SLC2A1: variants seen among roughly 807,000 people sequenced by gnomAD.
The protein encoded by SLC2A1 is solute carrier family 2, facilitated glucose transporter member 1.
SLC2A1 carries 4 observed loss-of-function variants against 46.6 expected under a neutral mutation model. The observed-to-expected ratio is 0.09, with a 90% CI of 0.04 to 0.20. The LOEUF is 0.20. SLC2A1 is among the 10% of genes least tolerant of loss of function. The pLI, the probability that SLC2A1 is intolerant of heterozygous loss-of-function variation, is 1.00. For synonymous variants in SLC2A1, 253 were observed against 270.0 expected, an observed-to-expected ratio of 0.94 and a Z score of 0.62; for missense variants, 352 against 667.0, an observed-to-expected ratio of 0.53 and a Z score of 5.20.
chr1:42,955,074 G>A (rs989712301), intron 1 of SLC2A1, among the ~76,000 whole-genome samples: 13 of 152,138 alleles, frequency 8.5e-5, no homozygotes, highest in Admixed American at 3.9e-4. Flanking sequence ...ATACCCATGG[G>A]CCAGCATCCT....
chr1:42,931,006 T>A (rs753105326), intron 3 of SLC2A1, 40 bp downstream of exon 3: 1 of 1,611,242 alleles, frequency 6.2e-7, no homozygotes, highest in Non-Finnish European at 8.5e-7. Flanking sequence ...CAGGAGGGCA[T>A]GGGCCCTCCA....
chr1:42,937,030 C>T (rs1483991948), intron 2 of SLC2A1, among the ~76,000 whole-genome samples: 1 of 152,140 alleles, frequency 6.6e-6, no homozygotes, highest in African/African-American at 2.4e-5. Flanking sequence ...AAACATCCTC[C>T]AATGCATGGG....
At chr1:42,950,675 A>G (rs992064286) in intron 1 of SLC2A1, among the ~76,000 whole-genome samples, 10 of 152,194 alleles carry the variant, frequency 6.6e-5, no homozygotes, top group Non-Finnish European at 1.3e-4. Flanking sequence ...GTGTGACCTT[A>G]AAAAAGTCCT....
chr1:42,953,940 G>A, intron 1 of SLC2A1, among the ~76,000 whole-genome samples: 1 of 152,124 alleles, frequency 6.6e-6, no homozygotes, highest in East Asian at 1.9e-4. Context: ...TCTAATTTAG[G>A]GCACGGGGCC....
chr1:42,929,491 G>T lies in SLC2A1; in HGVS notation c.867+102C>A. The T allele has an allele frequency of 7.9e-7, 1 of 1,271,146 alleles. No individual in the cohort carries two copies. The highest frequency in any genetic ancestry group is 1.2e-5 in the South Asian group (1 of 81,722). The allele number at this position is 1,271,146 out of a possible 1,614,324, so 78.7% of individuals were successfully genotyped here. A position where few individuals can be genotyped will look rare whatever the true frequency, so the allele number is the denominator to read the frequency against. ...TTGGGGTCTAAAGGGAAACTTCTTC[G>T]GCAGAGGCGTATCTGTTGTTTCAAG... On this transcript the variant is annotated intron_variant, in intron 6 of 9. Coordinates refer to ENST00000426263, the MANE Select transcript of SLC2A1 (RefSeq NM_006516.4). The surrounding 1 kb of genome is among the most constrained non-coding windows in gnomAD (Gnocchi z 6.0).
chr1:42,947,575 CACACACAAAAAAA>C (rs762635949), intron 1 of SLC2A1, among the ~76,000 whole-genome samples: 1 of 64,130 alleles, frequency 1.6e-5, no homozygotes, highest in Admixed American at 1.8e-4. Flanking sequence ...TACACACACA[CACACACAAAAAAA>C]AAAAAAAAAA....
chr1:42,930,932 G>A lies in SLC2A1; in HGVS notation c.276-66C>T. 6.2e-7 allele frequency: 1 copy of A among 1,605,992 alleles called. No individual in the cohort carries two copies. Among genetic ancestry groups the A allele is most frequent in the Non-Finnish European group, 8.5e-7 (1 of 1,179,232 alleles). On this transcript the variant is annotated intron_variant, in intron 3 of 9. Coordinates refer to ENST00000426263, the MANE Select transcript of SLC2A1 (RefSeq NM_006516.4). This position sits in a 1 kb window ranked among gnomAD's most constrained non-coding sequence, Gnocchi z 6.2. ...TTGGGCTCCGAGGGGCTGGGTCAGA[G>A]GTAATACCCTGGAACAGGCAGATAA...
In SLC2A1 at chr1:42,927,848, T is replaced by C. The variant is rs769143064; in HGVS notation, c.1075-40A>G. 2 of 1,471,354 alleles carry C rather than the reference T, an allele frequency of 1.4e-6. No individual in the cohort carries two copies. The highest frequency in any genetic ancestry group is 2.3e-5 in the East Asian group (1 of 42,794). The allele number at this position is 1,471,354 out of a possible 1,614,324, so 91.1% of individuals were successfully genotyped here. Reference sequence around the variant, plus strand: ...GGAGAGGGGGAAAAGTTAGACTGGGTTGTGATGGATCCTCAGGGGAAACAG... The same window carrying C: ...GGAGAGGGGGAAAAGTTAGACTGGGCTGTGATGGATCCTCAGGGGAAACAG... On this transcript the variant is annotated intron_variant, in intron 8 of 9. Transcript: ENST00000426263. This position sits in a 1 kb window ranked among gnomAD's most constrained non-coding sequence, Gnocchi z 5.3.
At chr1:42,952,741 C>A in intron 1 of SLC2A1, 1 of 184,036 alleles carries the variant, frequency 5.4e-6, no homozygotes, top group Non-Finnish European at 1.2e-5. Context: ...GAAGAACTGC[C>A]ACAGCTGGGT....
chr1:42,927,461 C>T lies in SLC2A1; in HGVS notation c.1278+144G>A. The T allele has an allele frequency of 1.1e-6, 1 of 887,546 alleles. No individual in the cohort carries two copies. The highest frequency in any genetic ancestry group is 1.8e-6 in the Non-Finnish European group (1 of 547,088). 55.0% of individuals were successfully genotyped at this position (887,546 alleles called of 1,614,324 possible). ...AAGGGGAGAACCCTGGAGTTGAGGT[C>T]AGCATTCTTGGTCATGTGACCTGGG... On this transcript the variant is annotated intron_variant, in intron 9 of 9. Transcript: ENST00000426263. The surrounding 1 kb of genome is among the most constrained non-coding windows in gnomAD (Gnocchi z 5.3).
intron 2 of SLC2A1, among the ~76,000 whole-genome samples, chr1:42,937,230 G>T (rs1021911501): frequency 6.6e-6 from 1 of 152,232 alleles, no homozygotes; most frequent in East Asian, 1.9e-4. Flanking sequence ...CACGGAGATG[G>T]TCTGTCTGAT....
rs2124445385 is a variant in SLC2A1 at position 42,927,094 on chromosome 1, C to T, written c.1426G>A (p.Asp476Asn). ...GFRQGGASQS[D>N]KTPEELFHPL... Reference sequence around the variant, plus strand: ...TGGAACAGCTCCTCGGGTGTCTTGTCACTTTGGCTGGCTCCCCCCTGCCGG... The same window carrying T: ...TGGAACAGCTCCTCGGGTGTCTTGTTACTTTGGCTGGCTCCCCCCTGCCGG... The change falls in exon 10 of 10, where the codon GAC becomes AAC. Residue 476 changes from aspartate to asparagine, a missense_variant. Transcript: ENST00000426263. The surrounding 1 kb of genome is among the most constrained non-coding windows in gnomAD (Gnocchi z 5.3). 6.2e-7 allele frequency: 1 copy of T among 1,614,188 alleles called. No homozygotes were observed. The highest frequency in any genetic ancestry group is 2.2e-5 in the East Asian group (1 of 44,868).
At chr1:42,947,584 A>G (rs989002519) in intron 1 of SLC2A1, among the ~76,000 whole-genome samples, 1 of 39,626 alleles carries the variant, frequency 2.5e-5, no homozygotes, top group Non-Finnish European at 5.3e-5. Flanking sequence ...ACACACACAA[A>G]AAAAAAAAAA....
intron 8 of SLC2A1, among the ~76,000 whole-genome samples, chr1:42,928,641 G>A (rs1328125690): frequency 6.6e-6 from 1 of 152,182 alleles, no homozygotes; most frequent in African/African-American, 2.4e-5. Flanking sequence ...TACAGATGAA[G>A]ATTGGAAAGG....
At chr1:42,956,478 G>A (rs1557655813) in intron 1 of SLC2A1, among the ~76,000 whole-genome samples, 3 of 151,362 alleles carry the variant, frequency 2.0e-5, no homozygotes, top group Admixed American at 6.6e-5. Context: ...CCAGCTACTC[G>A]GGAGGCTGAG....
In SLC2A1 at chr1:42,929,480, G is replaced by A; in HGVS notation, c.867+113C>T. 1 of 1,229,740 alleles carries A rather than the reference G, an allele frequency of 8.1e-7. No individual in the cohort carries two copies. The highest frequency in any genetic ancestry group is 1.2e-5 in the South Asian group (1 of 80,574). 76.2% of individuals were successfully genotyped at this position (1,229,740 alleles called of 1,614,324 possible). A position where few individuals can be genotyped will look rare whatever the true frequency, so the allele number is the denominator to read the frequency against. ...ACCTTACGGGCTTGGGGTCTAAAGG[G>A]AAACTTCTTCGGCAGAGGCGTATCT... On this transcript the variant is annotated intron_variant, in intron 6 of 9. Transcript: ENST00000426263. This position sits in a 1 kb window ranked among gnomAD's most constrained non-coding sequence, Gnocchi z 6.0.
At chr1:42,945,269 T>G (rs1380546350) in intron 1 of SLC2A1, among the ~76,000 whole-genome samples, 2 of 152,096 alleles carry the variant, frequency 1.3e-5, no homozygotes, top group African/African-American at 4.8e-5. Context: ...AAACGTGGCA[T>G]AGTGATATAA....
chr1:42,927,279 C>A lies in SLC2A1; in HGVS notation c.1279-38G>T. On this transcript the variant is annotated intron_variant, in intron 9 of 9. Coordinates refer to ENST00000426263, the MANE Select transcript of SLC2A1 (RefSeq NM_006516.4). The surrounding 1 kb of genome is among the most constrained non-coding windows in gnomAD (Gnocchi z 5.3). ...CAGACACACTTGGTTGGAGTCATGA[C>A]CCTACATCCTGGCTGTAGGACTTTG... is the stretch of plus-strand genomic sequence containing the variant. 1.9e-6 allele frequency: 3 copies of A among 1,593,184 alleles called. No homozygotes were observed. The highest frequency in any genetic ancestry group is 2.6e-6 in the Non-Finnish European group (3 of 1,161,578).
chr1:42,929,697 T>C lies in SLC2A1; in HGVS notation c.763A>G (p.Lys255Glu). 1 of 1,613,744 alleles carries C rather than the reference T, an allele frequency of 6.2e-7. No individual in the cohort carries two copies. Among genetic ancestry groups the C allele is most frequent in the Non-Finnish European group, 8.5e-7 (1 of 1,179,924 alleles). Residue 255 changes from lysine (K) to glutamate (E), a missense_variant, in exon 6 of 10, where the codon AAG becomes GAG. Around this residue, in one of 5 missense-constraint regions of SLC2A1, gnomAD observed 167 missense variants for 280.8 expected, o/e 0.59. Coordinates refer to ENST00000426263, the MANE Select transcript of SLC2A1 (RefSeq NM_006516.4). This position sits in a 1 kb window ranked among gnomAD's most constrained non-coding sequence, Gnocchi z 6.0. ...KEESRQMMRE[K>E]KVTILELFRS... ...AACAGCTCCAGGATGGTGACCTTCT[T>C]CTCCCGCATCATCTGCCGACTCTCT...
Sources: allele counts gnomAD v4.1 joint callset (sites outside exome capture counted in the v4.1 genomes callset), GRCh38; gene constraint gnomAD v4.1.1; regional missense constraint gnomAD v4.1.1; non-coding constraint Gnocchi (gnomAD v3.1); transcripts MANE v1.5; gene names NCBI Gene and HGNC (gene_info 2026-07-23, HGNC 2026-07-21).